SLC2A2: variants seen among roughly 807,000 people sequenced by gnomAD.
SLC2A2 encodes solute carrier family 2 member 2.
A neutral mutation model predicts 54.5 loss-of-function variants in SLC2A2; 36 were observed. The observed-to-expected ratio is 0.66, with a 90% CI of 0.51 to 0.87. The LOEUF (loss-of-function observed/expected upper bound fraction) is 0.87, where lower values mean the gene tolerates loss of function less well. Ranked by LOEUF, SLC2A2 falls within the 40% of genes least tolerant of loss-of-function variation. SLC2A2 has a pLI of 0.00. For missense variants in SLC2A2, 543 were observed against 624.3 expected (o/e 0.87, Z 1.39); for synonymous variants, 223 against 219.1 (o/e 1.02, Z -0.16).
At chr3:171,014,400 T>G in intron 3 of SLC2A2, 69 bp downstream of exon 3, 6 of 1,517,722 alleles carry the variant, frequency 4.0e-6, no homozygotes, top group Non-Finnish European at 5.5e-6. Context: ...ATAATATTTT[T>G]CTAAACAAGT....
At chr3:171,004,279 A>T (rs967672809) in intron 7 of SLC2A2, among the ~76,000 whole-genome samples, 1 of 152,060 alleles carries the variant, frequency 6.6e-6, no homozygotes, top group Non-Finnish European at 1.5e-5. Flanking sequence ...ATTAAATTTT[A>T]TGCCATTGAA....
rs5405 is a variant in SLC2A2, at chr3:171,006,057, G to A, written c.661C>T (p.Leu221=). 7.5e-4 allele frequency: 1,211 copies of A among 1,612,620 alleles called. 15 individuals are homozygous for A. In the African/African-American group the frequency reaches 0.013, roughly 18 times the overall value. Residue 221 remains leucine, a synonymous_variant, in exon 6 of 11, where the codon CTG becomes TTG. Transcript: ENST00000314251. The part of the protein sequence containing the change: ...ILGNYDLWHI[L]LGLSGVRAIL... ...GCTCGCACACCAGACAGGCCAAGCA[G>A]GATGTGCCACAGATCATAATTGCCC...
chr3:171,018,235 T>C (rs899448927), intron 2 of SLC2A2, among the ~76,000 whole-genome samples: 11 of 152,198 alleles, frequency 7.2e-5, no homozygotes, highest in Non-Finnish European at 1.3e-4. Flanking sequence ...TTTTCTTTTT[T>C]TTTTCTAAAG....
chr3:171,007,146 A>C lies in SLC2A2; in HGVS notation c.612+2T>G. Reference sequence around the variant, plus strand: ...TAGGGGATAAGGATGGGGAGTTTTTACCTGACTAATAAGAATGCCCGTGAC... The same window carrying C: ...TAGGGGATAAGGATGGGGAGTTTTTCCCTGACTAATAAGAATGCCCGTGAC... On this transcript the variant is annotated splice_donor_variant, in intron 5 of 10. Transcript: ENST00000314251. LOFTEE classifies it high-confidence loss of function. The C allele has an allele frequency of 6.3e-7, 1 of 1,589,310 alleles. No individual in the cohort carries two copies. The highest frequency in any genetic ancestry group is 8.6e-7 in the Non-Finnish European group (1 of 1,158,084).
At position 170,997,694 on chromosome 3, in the gene SLC2A2, G is replaced by A. The variant is rs945524437; in HGVS notation, c.*209C>T. On this transcript the variant is annotated 3_prime_UTR_variant, in exon 11 of 11. Coordinates refer to ENST00000314251, the MANE Select transcript of SLC2A2 (RefSeq NM_000340.2). ...GTAACAAAATAAACTAGCCTTTTTG[G>A]TTTACTTAATTACAGTCTTACCATC... The A allele has an allele frequency of 3.0e-5, 17 of 567,110 alleles. No individual in the cohort carries two copies. Among genetic ancestry groups the A allele is most frequent in the Non-Finnish European group, 3.7e-5 (12 of 324,390 alleles). The allele number at this position is 567,110 out of a possible 1,614,324, so 35.1% of individuals were successfully genotyped here. A position where few individuals can be genotyped will look rare whatever the true frequency, so the allele number is the denominator to read the frequency against.
intron 5 of SLC2A2, among the ~76,000 whole-genome samples, chr3:171,006,608 A>T (rs748683148): frequency 6.6e-6 from 1 of 151,992 alleles, no homozygotes; most frequent in Non-Finnish European, 1.5e-5. Flanking sequence ...GGCGATTCCT[A>T]TGGCAACAGT....
chr3:171,022,282 G>C (rs7646014), intron 1 of SLC2A2, among the ~76,000 whole-genome samples: 35,848 of 152,106 alleles, frequency 0.24, 6,520 homozygotes, highest in African/African-American at 0.51. Context: ...ATTCAAAAGC[G>C]AAGCACATCT....
intron 1 of SLC2A2, among the ~76,000 whole-genome samples, chr3:171,024,356 G>A (rs186240610): frequency 6.6e-6 from 1 of 152,168 alleles, no homozygotes; most frequent in East Asian, 1.9e-4. Context: ...TATTTTAGAG[G>A]TGAGGAAGCC....
intron 2 of SLC2A2, among the ~76,000 whole-genome samples, chr3:171,015,501 AG>A (rs1716107614): frequency 6.6e-6 from 1 of 152,212 alleles, no homozygotes; most frequent in South Asian, 2.1e-4. Context: ...CAGGCTAAAA[AG>A]ATACATTTTC....
intron 1 of SLC2A2, among the ~76,000 whole-genome samples, chr3:171,025,832 ATC>A (rs1175986647): frequency 1.3e-5 from 2 of 152,182 alleles, no homozygotes; most frequent in Non-Finnish European, 2.9e-5. Context: ...AGGACACTAT[ATC>A]CTTTATATTT....
chr3:171,018,444 C>T, intron 2 of SLC2A2, 87 bp downstream of exon 2: 1 of 948,118 alleles, frequency 1.1e-6, no homozygotes, highest in Non-Finnish European at 1.7e-6. Context: ...CCCACGTGGA[C>T]ACCCTTTATC....
intron 1 of SLC2A2, among the ~76,000 whole-genome samples, chr3:171,024,216 C>T (rs1716585926): frequency 6.6e-6 from 1 of 152,122 alleles, no homozygotes. Context: ...AGTAAAAGGG[C>T]TACAGAACAA....
At chr3:171,022,650 C>T (rs934242586) in intron 1 of SLC2A2, among the ~76,000 whole-genome samples, 10 of 152,206 alleles carry the variant, frequency 6.6e-5, no homozygotes, top group African/African-American at 2.4e-4. Context: ...GTGACTGTCA[C>T]CTCCTGCTTC....
intron 6 of SLC2A2, among the ~76,000 whole-genome samples, 193 bp from the exon 7 acceptor site, chr3:171,005,665 C>T (rs1715561431): frequency 6.6e-6 from 1 of 151,996 alleles, no homozygotes; most frequent in Non-Finnish European, 1.5e-5. Context: ...TTGGCTTCAT[C>T]TTATGACAAA....
chr3:171,007,067 T>C (rs1715645395), intron 5 of SLC2A2, 81 bp downstream of exon 5: 1 of 801,012 alleles, frequency 1.2e-6, no homozygotes, highest in South Asian at 1.4e-5. Flanking sequence ...GGAAGTACAG[T>C]AGGGGATGCA....
chr3:171,008,531 T>G (rs1316804958), intron 4 of SLC2A2, among the ~76,000 whole-genome samples: 4 of 152,208 alleles, frequency 2.6e-5, no homozygotes, highest in Admixed American at 6.6e-5. Flanking sequence ...CCAAACATAA[T>G]TTTAGAAGAT....
intron 2 of SLC2A2, among the ~76,000 whole-genome samples, chr3:171,016,817 TC>T (rs1716172756): frequency 6.6e-6 from 1 of 151,940 alleles, no homozygotes; most frequent in Admixed American, 6.6e-5. Context: ...AGCCTAAGCT[TC>T]CGTCTAAGAC....
rs865832819 is a variant in SLC2A2 at position 171,007,001 on chromosome 3, G to C, written c.612+147C>G. On this transcript the variant is annotated intron_variant, in intron 5 of 10. Transcript: ENST00000314251. Reference sequence around the variant, plus strand: ...ACTGGTAGAATTGGCTTTTCTCTCTGTGCTGGTCTACAGTGAGAATGGACA... The same window carrying C: ...ACTGGTAGAATTGGCTTTTCTCTCTCTGCTGGTCTACAGTGAGAATGGACA... 13 of 688,834 alleles carry C rather than the reference G, an allele frequency of 1.9e-5. No homozygotes were observed. The Middle Eastern group carries it at 1.1e-3, about 56-fold the overall frequency. 42.7% of individuals were successfully genotyped at this position (688,834 alleles called of 1,614,324 possible).
intron 1 of SLC2A2, among the ~76,000 whole-genome samples, chr3:171,020,370 A>G (rs992602005): frequency 7.9e-5 from 12 of 152,174 alleles, no homozygotes; most frequent in African/African-American, 2.6e-4. Context: ...CTTCTACTGG[A>G]TTAGAATCTC....
Sources: allele counts gnomAD v4.1 joint callset (sites outside exome capture counted in the v4.1 genomes callset), GRCh38; gene constraint gnomAD v4.1.1; transcripts MANE v1.5; gene names NCBI Gene and HGNC (gene_info 2026-07-23, HGNC 2026-07-21).